Variants in MYRFL observed in about 807,000 individuals in gnomAD.
MYRFL encodes the protein myelin regulatory factor like, also known as myelin regulatory factor-like protein.
A neutral mutation model predicts 109.4 loss-of-function variants in MYRFL; 88 were observed. The ratio of observed to expected loss-of-function variants is 0.80; its 90% CI spans 0.68 to 0.96. The LOEUF is 0.96. Ranked by LOEUF, MYRFL falls within the 40% of genes least tolerant of loss-of-function variation. MYRFL has a pLI of 0.00. For synonymous variants in MYRFL, 324 were observed against 320.9 expected, an observed-to-expected ratio of 1.01 and a Z score of -0.10; for missense variants, 957 against 954.9, an observed-to-expected ratio of 1.00 and a Z score of -0.03.
chr12:69,936,358 C>T (rs1955466045), intron 18 of MYRFL, 23 bp downstream of exon 18: 9 of 1,534,968 alleles, frequency 5.9e-6, no homozygotes, highest in Non-Finnish European at 6.1e-6. Flanking sequence ...CATTCCTCAC[C>T]CTCAAACCCG....
intron 1 of MYRFL, among the ~76,000 whole-genome samples, chr12:69,827,044 C>T (rs1198487295): frequency 1.3e-5 from 2 of 152,000 alleles, no homozygotes; most frequent in East Asian, 1.9e-4. Context: ...TGAGCTATAC[C>T]CTCTCCTTGA....
chr12:69,891,661 C>CT (rs1324580683), intron 7 of MYRFL, among the ~76,000 whole-genome samples: 3 of 90,526 alleles, frequency 3.3e-5, no homozygotes, highest in Non-Finnish European at 6.6e-5. Context: ...TTCTTTCTTT[C>CT]TTTCTTTCTT....
chr12:69,897,281 A>T (rs1170630246), intron 10 of MYRFL, 35 bp downstream of exon 10: 1 of 1,443,464 alleles, frequency 6.9e-7, no homozygotes, highest in Admixed American at 2.0e-5. Context: ...TGGATCTCAC[A>T]TGCTTTCCTC....
Position 69,855,353 on chromosome 12 carries a change from C to T in MYRFL, c.120C>T (p.Asp40=), listed in dbSNP as rs746951607. The T allele has an allele frequency of 1.4e-5, 10 of 702,496 alleles. No homozygotes were observed. The highest frequency in any genetic ancestry group is 2.3e-5 in the Non-Finnish European group (9 of 384,754). 43.5% of individuals were successfully genotyped at this position (702,496 alleles called of 1,614,324 possible). Residue 40 remains aspartate, a synonymous_variant, in exon 2 of 25, where the codon GAC becomes GAT. Coordinates refer to ENST00000552032, the MANE Select transcript of MYRFL (RefSeq NM_182530.3). ...TSLLEEFLGN[D]FDLGALQRQL... is the part of the protein sequence containing the mutation. ...TGTTGGAGGAATTTCTGGGCAATGA[C>T]TTTGATTTGGGGGCCTTGTAAGTAA...
rs754843682 is a variant in MYRFL, at chr12:69,870,099, CTTTTTTTTT to C, written c.138-8910_138-8902del. Among the ~76,000 whole-genome samples the C allele has an allele frequency of 4.7e-4, 38 of 81,328 alleles. 1 individual carries two copies. The highest frequency in any genetic ancestry group is 3.1e-3 in the Admixed American group (20 of 6,476). The allele number at this position is 81,328 out of a possible 152,430, so 53.4% of individuals were successfully genotyped here. A position where few individuals can be genotyped will look rare whatever the true frequency, so the allele number is the denominator to read the frequency against. On this transcript the variant is annotated intron_variant, in intron 2 of 24. Transcript: ENST00000552032. ...GCTAAGAATCTCTTGATTTTTCTTC[CTTTTTTTTT>C]TTTTTTTTTTTTTTTTTTGGGACAG...
chr12:69,936,662 A>G, intron 19 of MYRFL, 30 bp downstream of exon 19: 1 of 1,458,044 alleles, frequency 6.9e-7, no homozygotes, highest in Non-Finnish European at 9.0e-7. Context: ...AAACAACTAG[A>G]GCTTTGAACT....
chr12:69,930,931 G>A (rs1036920584), intron 15 of MYRFL, among the ~76,000 whole-genome samples: 2 of 151,972 alleles, frequency 1.3e-5, no homozygotes, highest in African/African-American at 2.4e-5. Flanking sequence ...TACATGTAGG[G>A]CATTTAGGGT....
chr12:69,899,981 C>G (rs1399131682), intron 10 of MYRFL, among the ~76,000 whole-genome samples: 1 of 152,190 alleles, frequency 6.6e-6, no homozygotes, highest in Admixed American at 6.5e-5. Context: ...ATCTCAGCCC[C>G]ACTTTCCTTC....
chr12:69,846,106 CTTTTTTTTTTTTTTT>C (rs60251292), intron 1 of MYRFL, among the ~76,000 whole-genome samples: 4 of 61,734 alleles, frequency 6.5e-5, no homozygotes, highest in African/African-American at 1.4e-4. Flanking sequence ...TATTGACTAT[CTTTTTTTTTTTTTTT>C]TTTTTTTTTT....
At chr12:69,939,952 G>C (rs1374863905) in intron 19 of MYRFL, among the ~76,000 whole-genome samples, 1 of 152,216 alleles carries the variant, frequency 6.6e-6, no homozygotes, top group Non-Finnish European at 1.5e-5. Flanking sequence ...AGCAATGGAA[G>C]ATGAAATGGA....
intron 19 of MYRFL, among the ~76,000 whole-genome samples, chr12:69,942,935 G>C (rs1213277199): frequency 6.6e-6 from 1 of 152,008 alleles, no homozygotes; most frequent in Non-Finnish European, 1.5e-5. Flanking sequence ...ATTCACAATT[G>C]CTTCAAAGAG....
chr12:69,901,446 T>C (rs760122159), intron 10 of MYRFL, among the ~76,000 whole-genome samples: 3 of 152,230 alleles, frequency 2.0e-5, no homozygotes, highest in Non-Finnish European at 4.4e-5. Flanking sequence ...TCCAAAATAA[T>C]GTGAACATAT....
chr12:69,891,644 T>C (rs1886871379), intron 7 of MYRFL, among the ~76,000 whole-genome samples: 1 of 92,156 alleles, frequency 1.1e-5, no homozygotes, highest in African/African-American at 4.8e-5. Context: ...TCTTTTTCTT[T>C]CTTTCTTTCT....
At chr12:69,835,239 G>A (rs185294091) in intron 1 of MYRFL, among the ~76,000 whole-genome samples, 175 of 152,306 alleles carry the variant, frequency 1.1e-3, no homozygotes, top group Non-Finnish European at 2.1e-3. Context: ...CTGACCTCAA[G>A]TAGGTCATTC....
intron 13 of MYRFL, among the ~76,000 whole-genome samples, chr12:69,915,726 C>A (rs1486503368): frequency 6.6e-6 from 1 of 152,046 alleles, no homozygotes; most frequent in Non-Finnish European, 1.5e-5. Context: ...TTGGGAGTGA[C>A]ACTGAAAGCA....
At chr12:69,891,417 G>A (rs1886792958) in intron 7 of MYRFL, among the ~76,000 whole-genome samples, 1 of 152,196 alleles carries the variant, frequency 6.6e-6, no homozygotes, top group East Asian at 1.9e-4. Flanking sequence ...CTGGCCATCA[G>A]CTGGAGCTCA....
rs1885906157 is a variant in MYRFL at position 69,879,323 on chromosome 12, C to G, written c.334C>G (p.Gln112Glu). The part of the protein sequence containing the change: ...QSTSGMGDSC[Q>E]IHGGFHSCHS... ...CACCTCTGGAATGGGCGACTCCTGC[C>G]AAATCCACGGAGGCTTTCACAGCTG... The change falls in exon 4 of 25, where the codon CAA (glutamine) becomes GAA (glutamate). Residue 112 changes from glutamine (Q) to glutamate (E), a missense_variant. Coordinates refer to ENST00000552032, the MANE Select transcript of MYRFL (RefSeq NM_182530.3). The G allele has an allele frequency of 1.4e-6, 1 of 702,748 alleles. No homozygotes were observed. Among genetic ancestry groups the G allele is most frequent in the African/African-American group, 1.7e-5 (1 of 57,262 alleles). 43.5% of individuals were successfully genotyped at this position (702,748 alleles called of 1,614,324 possible).
chr12:69,879,090 T>G lies in MYRFL; in HGVS notation c.200T>G (p.Val67Gly), dbSNP rs550868999. ...SASDSCSPPQVKGACYPTLRP... is the reference protein window; with the variant it reads ...SASDSCSPPQGKGACYPTLRP... ...TCCGACTCATGCTCTCCTCCGCAGG[T>G]CAAAGGTGAGTGCGATCCACCTTCA... Residue 67 changes from valine (V) to glycine (G), a missense_variant, in exon 3 of 25, where the codon GTC becomes GGC. Transcript: ENST00000552032. 77 of 702,812 alleles carry G rather than the reference T, an allele frequency of 1.1e-4. No individual in the cohort carries two copies. Among genetic ancestry groups the G allele is most frequent in the Non-Finnish European group, 2.3e-5 (9 of 384,840 alleles). The allele number at this position is 702,812 out of a possible 1,614,324, so 43.5% of individuals were successfully genotyped here. A position where few individuals can be genotyped will look rare whatever the true frequency, so the allele number is the denominator to read the frequency against.
chr12:69,912,832 G>A (rs1328778064), intron 13 of MYRFL, among the ~76,000 whole-genome samples: 1 of 152,168 alleles, frequency 6.6e-6, no homozygotes, highest in Non-Finnish European at 1.5e-5. Context: ...AAGTGGAACT[G>A]CTGGATCACA....
Sources: allele counts gnomAD v4.1 joint callset (sites outside exome capture counted in the v4.1 genomes callset), GRCh38; gene constraint gnomAD v4.1.1; transcripts MANE v1.5; gene names NCBI Gene and HGNC (gene_info 2026-07-23, HGNC 2026-07-21).